The following CORO2B variants were observed in gnomAD, a reference collection of about 807,000 sequenced individuals.
CORO2B encodes the protein coronin-2B.
A neutral mutation model predicts 58.8 loss-of-function variants in CORO2B; 26 were observed. That is an observed-to-expected ratio of 0.44 (90% CI 0.32 to 0.61). The LOEUF (loss-of-function observed/expected upper bound fraction) is 0.61. Among genes scored for constraint, CORO2B ranks in the 20% least tolerant of loss-of-function variants. The pLI is 0.04. For synonymous variants in CORO2B, 242 were observed against 253.8 expected, an observed-to-expected ratio of 0.95 and a Z score of 0.44; for missense variants, 460 against 645.1, an observed-to-expected ratio of 0.71 and a Z score of 3.11.
rs142176846 is a variant in CORO2B, at chr15:68,640,541, G to A, written c.16-4619G>A. 1.2e-3 allele frequency among the ~76,000 whole-genome samples: 186 copies of A among 150,704 alleles called. 1 individual carries two copies. In the East Asian group the frequency reaches 0.026, roughly 21 times the overall value. On this transcript the variant is annotated intron_variant, in intron 1 of 11. Coordinates refer to ENST00000261861, the MANE Select transcript of CORO2B (RefSeq NM_006091.5). ...AAAAAAAAAAGGTGATAGGAGTATTGTAGGTTAAAGAAGGCAAAAGAGAGA... is the reference window on the plus strand; with the variant it reads ...AAAAAAAAAAGGTGATAGGAGTATTATAGGTTAAAGAAGGCAAAAGAGAGA...
intron 3 of CORO2B, among the ~76,000 whole-genome samples, chr15:68,699,613 T>C (rs1001004136): frequency 6.6e-6 from 1 of 152,066 alleles, no homozygotes; most frequent in African/African-American, 2.4e-5. Context: ...GCCCCAGAAG[T>C]ACAGCCCTGA....
rs903676854 is a variant in CORO2B, at chr15:68,727,724, C to G, written c.*1750C>G. 1 of 152,504 alleles carries G rather than the reference C, an allele frequency of 6.6e-6. No individual in the cohort carries two copies. Among genetic ancestry groups the G allele is most frequent in the Non-Finnish European group, 1.5e-5 (1 of 68,016 alleles). The allele number at this position is 152,504 out of a possible 1,614,324, so 9.4% of individuals were successfully genotyped here. ...TTCTGGAGCTTTTTTTTTTCCTTCC[C>G]CATTGACCTTTGTGGTCTTCTGTGA... On this transcript the variant is annotated 3_prime_UTR_variant, in exon 12 of 12. Coordinates refer to ENST00000261861, the MANE Select transcript of CORO2B (RefSeq NM_006091.5).
intron 11 of CORO2B, among the ~76,000 whole-genome samples, chr15:68,722,926 G>C (rs1233770428): frequency 6.6e-6 from 1 of 151,836 alleles, no homozygotes; most frequent in Non-Finnish European, 1.5e-5. Context: ...AATTAGCCAG[G>C]TGTGGTGGCG....
chr15:68,614,555 C>T (rs769034707), intron 1 of CORO2B, among the ~76,000 whole-genome samples: 16 of 152,168 alleles, frequency 1.1e-4, no homozygotes, highest in Admixed American at 9.8e-4. Context: ...AAAGAAAAGA[C>T]ATGGGGACTA....
chr15:68,587,621 C>T (rs1340466165), intron 1 of CORO2B, among the ~76,000 whole-genome samples: 2 of 152,162 alleles, frequency 1.3e-5, no homozygotes, highest in East Asian at 3.8e-4. Flanking sequence ...GACCAACAGA[C>T]AATAACAATA....
intron 3 of CORO2B, among the ~76,000 whole-genome samples, chr15:68,706,171 G>C (rs1196915013): frequency 6.6e-6 from 1 of 152,160 alleles, no homozygotes; most frequent in Non-Finnish European, 1.5e-5. Flanking sequence ...ACACGAGCCA[G>C]GCTGACCCCC....
intron 3 of CORO2B, among the ~76,000 whole-genome samples, chr15:68,702,817 TTTTC>T (rs1255750546): frequency 4.3e-4 from 61 of 142,088 alleles, no homozygotes; most frequent in Middle Eastern, 3.6e-3. Context: ...TTCTTTTTCT[TTTTC>T]TTTTTTTTTT....
the CORO2B span, among the ~76,000 whole-genome samples, chr15:68,523,438 C>T: frequency 6.6e-6 from 1 of 152,124 alleles, no homozygotes; most frequent in Admixed American, 6.5e-5. Flanking sequence ...CTTAAGCAAT[C>T]CTCCCTCCTC....
At chr15:68,698,098 A>G (rs1892556992) in intron 3 of CORO2B, among the ~76,000 whole-genome samples, 2 of 152,110 alleles carry the variant, frequency 1.3e-5, no homozygotes, top group African/African-American at 4.8e-5. Flanking sequence ...GAGCCACTCC[A>G]TGAGACAGGC....
Position 68,637,643 on chromosome 15 carries a change from G to A in CORO2B, c.16-7517G>A, listed in dbSNP as rs149707959. Reference sequence around the variant, plus strand: ...AGACCAAACTAGATGGAAAGTGCCAGTCTTTCTCTGACAGCACATGACCCA... The same window carrying A: ...AGACCAAACTAGATGGAAAGTGCCAATCTTTCTCTGACAGCACATGACCCA... On this transcript the variant is annotated intron_variant, in intron 1 of 11. Coordinates refer to ENST00000261861, the MANE Select transcript of CORO2B (RefSeq NM_006091.5). 3.2e-3 allele frequency among the ~76,000 whole-genome samples: 488 copies of A among 152,286 alleles called. 4 individuals are homozygous for A. The highest frequency in any genetic ancestry group is 5.7e-3 in the Non-Finnish European group (390 of 68,032).
chr15:68,571,723 C>T, the CORO2B span, among the ~76,000 whole-genome samples: 3 of 152,194 alleles, frequency 2.0e-5, no homozygotes, highest in Admixed American at 1.3e-4. Flanking sequence ...CAGCTGTAAC[C>T]GGTAACCTGG....
the CORO2B span, among the ~76,000 whole-genome samples, chr15:68,553,980 G>A: frequency 6.6e-6 from 1 of 152,198 alleles, no homozygotes; most frequent in Non-Finnish European, 1.5e-5. Flanking sequence ...TTGAAAGGAG[G>A]AAGGATTACA....
chr15:68,688,942 C>T (rs1244955392), intron 2 of CORO2B, among the ~76,000 whole-genome samples: 2 of 151,898 alleles, frequency 1.3e-5, no homozygotes, highest in Non-Finnish European at 2.9e-5. Flanking sequence ...CCTCCTGGGG[C>T]TGGGGATCAG....
the CORO2B span, among the ~76,000 whole-genome samples, chr15:68,537,979 G>A: frequency 2.0e-5 from 3 of 152,216 alleles, no homozygotes; most frequent in Non-Finnish European, 4.4e-5. Flanking sequence ...TCTGGTGTGT[G>A]GCGGGGAGCC....
At chr15:68,545,799 G>A in the CORO2B span, among the ~76,000 whole-genome samples, 1 of 152,176 alleles carries the variant, frequency 6.6e-6, no homozygotes, top group African/African-American at 2.4e-5. Context: ...GGGGTACCCC[G>A]GGGATGGCAG....
At chr15:68,676,316 T>G (rs775662400) in intron 2 of CORO2B, among the ~76,000 whole-genome samples, 1 of 152,202 alleles carries the variant, frequency 6.6e-6, no homozygotes, top group Admixed American at 6.5e-5. Context: ...GGAGTCATGA[T>G]GAGCTGCACA....
intron 1 of CORO2B, among the ~76,000 whole-genome samples, chr15:68,596,848 C>T (rs983643919): frequency 6.6e-6 from 1 of 152,170 alleles, no homozygotes; most frequent in African/African-American, 2.4e-5. Context: ...GCAGAGCACT[C>T]CCCACGCCCC....
chr15:68,692,407 A>G (rs1051945689), intron 2 of CORO2B, among the ~76,000 whole-genome samples: 11 of 151,876 alleles, frequency 7.2e-5, no homozygotes, highest in African/African-American at 1.7e-4. Flanking sequence ...CAACACAGGG[A>G]AACCCCATCT....
intron 1 of CORO2B, among the ~76,000 whole-genome samples, chr15:68,581,635 G>A (rs542440478): frequency 6.6e-6 from 1 of 152,282 alleles, no homozygotes; most frequent in African/African-American, 2.4e-5. Context: ...CTGAGCCTTG[G>A]TGCAGCTTCA....
Sources: allele counts gnomAD v4.1 joint callset (sites outside exome capture counted in the v4.1 genomes callset), GRCh38; gene constraint gnomAD v4.1.1; transcripts MANE v1.5; gene names NCBI Gene and HGNC (gene_info 2026-07-23, HGNC 2026-07-21).